The following UBE2E3 variants were observed in gnomAD, a reference collection of about 807,000 sequenced individuals.
UBE2E3 encodes ubiquitin conjugating enzyme E2 E3, also known as ubiquitin-conjugating enzyme E2 E3.
A neutral mutation model predicts 23.6 loss-of-function variants in UBE2E3; 5 were observed. That is an observed-to-expected ratio of 0.21 (90% confidence interval 0.11 to 0.44). The LOEUF is 0.44. UBE2E3 is among the 20% of genes least tolerant of loss of function. UBE2E3 has a pLI of 0.99. For missense variants in UBE2E3, 81 were observed against 249.8 expected, an observed-to-expected ratio of 0.32 and a Z score of 4.55; for synonymous variants, 78 against 87.5, an observed-to-expected ratio of 0.89 and a Z score of 0.60.
intron 3 of UBE2E3, among the ~76,000 whole-genome samples, chr2:181,015,269 T>C (rs934063743): frequency 5.3e-5 from 8 of 152,190 alleles, no homozygotes; most frequent in Non-Finnish European, 8.8e-5. Flanking sequence ...ATTTTAAGCC[T>C]ACATATAGTC....
At chr2:181,062,514 G>GT (rs1574230777) in intron 5 of UBE2E3, among the ~76,000 whole-genome samples, 1 of 151,354 alleles carries the variant, frequency 6.6e-6, no homozygotes, top group East Asian at 1.9e-4. Context: ...TTACAAAATA[G>GT]TTTTTGTATA....
At chr2:180,991,884 A>T (rs1233631795) in intron 3 of UBE2E3, among the ~76,000 whole-genome samples, 2 of 152,134 alleles carry the variant, frequency 1.3e-5, no homozygotes, top group African/African-American at 4.8e-5. Flanking sequence ...ACGATTTAAA[A>T]CTTAAGAATT....
At chr2:181,043,552 T>C (rs1686577584) in intron 3 of UBE2E3, among the ~76,000 whole-genome samples, 1 of 152,112 alleles carries the variant, frequency 6.6e-6, no homozygotes, top group African/African-American at 2.4e-5. Flanking sequence ...AATCCAAAAA[T>C]ATAAAAAAAG....
intron 3 of UBE2E3, among the ~76,000 whole-genome samples, chr2:181,054,043 C>T (rs183165987): frequency 5.9e-5 from 9 of 151,836 alleles, no homozygotes; most frequent in Admixed American, 3.3e-4. Context: ...TTTTTAGCAC[C>T]GAATAATATT....
intron 3 of UBE2E3, among the ~76,000 whole-genome samples, chr2:181,017,507 C>T (rs1286899330): frequency 6.6e-6 from 1 of 151,982 alleles, no homozygotes; most frequent in African/African-American, 2.4e-5. Flanking sequence ...GAGCAGTTTT[C>T]TCCAAGGGAA....
intron 3 of UBE2E3, among the ~76,000 whole-genome samples, chr2:181,002,897 A>G (rs546726878): frequency 2.6e-5 from 4 of 152,270 alleles, no homozygotes; most frequent in African/African-American, 9.6e-5. Flanking sequence ...AAGATGGACA[A>G]CCTTTCTTGG....
At chr2:181,014,530 G>A (rs1053504515) in intron 3 of UBE2E3, among the ~76,000 whole-genome samples, 1 of 152,046 alleles carries the variant, frequency 6.6e-6, no homozygotes. Context: ...GATTAGAGAG[G>A]GCTACATGAG....
chr2:181,035,558 A>G (rs1686243525), intron 3 of UBE2E3, among the ~76,000 whole-genome samples: 1 of 152,208 alleles, frequency 6.6e-6, no homozygotes, highest in African/African-American at 2.4e-5. Flanking sequence ...TAAGCTCATT[A>G]GTAATATATT....
chr2:180,999,707 C>T (rs1376537018), intron 3 of UBE2E3, among the ~76,000 whole-genome samples: 1 of 151,892 alleles, frequency 6.6e-6, no homozygotes, highest in Admixed American at 6.5e-5. Flanking sequence ...CCACATGACT[C>T]AGATAAAGGG....
chr2:180,997,953 C>T (rs186560033), intron 3 of UBE2E3, among the ~76,000 whole-genome samples: 2 of 152,096 alleles, frequency 1.3e-5, no homozygotes, highest in East Asian at 1.9e-4. Context: ...TGTCATGTAC[C>T]CTTTCATCCC....
intron 3 of UBE2E3, among the ~76,000 whole-genome samples, chr2:180,992,161 A>G (rs1684677044): frequency 6.6e-6 from 1 of 152,090 alleles, no homozygotes; most frequent in Admixed American, 6.6e-5. Flanking sequence ...TGTATGCTTA[A>G]GAGTTCTTTT....
Position 180,982,154 on chromosome 2 carries a change from A to C in UBE2E3, c.112A>C (p.Arg38=), listed in dbSNP as rs1273735092. 1 of 1,613,656 alleles carries C rather than the reference A, an allele frequency of 6.2e-7. No homozygotes were observed. The highest frequency in any genetic ancestry group is 2.2e-5 in the East Asian group (1 of 44,876). ...AAPEPEEQEE[R]KPSATQQKKN... is the part of the protein sequence containing the mutation. The stretch of plus-strand genomic sequence containing the variant: ...TCCAGAGCCTGAAGAACAAGAGGAA[A>C]GAAAACCTTCTGCCACCCAGCAGAA... The change falls in exon 2 of 6, where the codon AGA becomes CGA. Residue 38 remains arginine, a synonymous_variant. Coordinates refer to ENST00000410062, the MANE Select transcript of UBE2E3 (RefSeq NM_006357.4).
At chr2:180,988,259 A>C (rs780710654) in intron 3 of UBE2E3, among the ~76,000 whole-genome samples, 22 of 152,150 alleles carry the variant, frequency 1.4e-4, no homozygotes, top group Non-Finnish European at 2.6e-4. Flanking sequence ...TCTCTAGTGC[A>C]TTGACATCTT....
chr2:181,047,708 A>G (rs1212557715), intron 3 of UBE2E3, among the ~76,000 whole-genome samples: 6 of 152,000 alleles, frequency 3.9e-5, no homozygotes, highest in Non-Finnish European at 8.8e-5. Context: ...AGTCTAGCCT[A>G]TCATCATCTT....
intron 3 of UBE2E3, among the ~76,000 whole-genome samples, chr2:181,055,416 C>T (rs886665553): frequency 8.6e-5 from 13 of 151,630 alleles, no homozygotes; most frequent in Admixed American, 2.0e-4. Context: ...GGACTCAGCC[C>T]TGCAACTGCT....
chr2:181,032,037 T>A (rs1349453554), intron 3 of UBE2E3, among the ~76,000 whole-genome samples: 1 of 152,118 alleles, frequency 6.6e-6, no homozygotes, highest in Non-Finnish European at 1.5e-5. Flanking sequence ...TTCAGGGAGG[T>A]GCTCCATTAG....
In UBE2E3 at chr2:180,984,102, T is replaced by G; in HGVS notation, c.245+9T>G. On this transcript the variant is annotated intron_variant, in intron 3 of 5. Coordinates refer to ENST00000410062, the MANE Select transcript of UBE2E3 (RefSeq NM_006357.4). ...CCTCCTCCTAATTGCAGGTAAGAAA[T>G]GAATTTTGTTGTTTTGGTTTCAAAT... The G allele has an allele frequency of 6.2e-7, 1 of 1,608,046 alleles. No individual in the cohort carries two copies. Among genetic ancestry groups the G allele is most frequent in the Non-Finnish European group, 8.5e-7 (1 of 1,175,712 alleles).
intron 3 of UBE2E3, among the ~76,000 whole-genome samples, chr2:181,047,959 T>A (rs559038394): frequency 2.6e-5 from 4 of 152,088 alleles, no homozygotes; most frequent in Non-Finnish European, 5.9e-5. Flanking sequence ...GGTCGTTTCA[T>A]TGTACTTCCC....
At chr2:181,036,202 T>G (rs1559130222) in intron 3 of UBE2E3, among the ~76,000 whole-genome samples, 1 of 152,158 alleles carries the variant, frequency 6.6e-6, no homozygotes, top group Non-Finnish European at 1.5e-5. Flanking sequence ...TAGTGTGGTA[T>G]TGGCATGGGT....
Sources: allele counts gnomAD v4.1 joint callset (sites outside exome capture counted in the v4.1 genomes callset), GRCh38; gene constraint gnomAD v4.1.1; transcripts MANE v1.5; gene names NCBI Gene and HGNC (gene_info 2026-07-23, HGNC 2026-07-21).